PPP1R12A: variants seen among roughly 807,000 people sequenced by gnomAD.
PPP1R12A encodes myosin binding subunit.
PPP1R12A carries 19 observed loss-of-function variants against 139.6 expected under a neutral mutation model. The ratio of observed to expected loss-of-function variants is 0.14; its 90% CI spans 0.09 to 0.20. The LOEUF is 0.20. PPP1R12A is among the 10% of genes least tolerant of loss of function. The pLI is 1.00. For missense variants in PPP1R12A, 925 were observed against 1,211.5 expected, an observed-to-expected ratio of 0.76 and a Z score of 3.51; for synonymous variants, 427 against 420.6, an observed-to-expected ratio of 1.02 and a Z score of -0.19.
intron 22 of PPP1R12A, among the ~76,000 whole-genome samples, chr12:79,784,472 C>G (rs1870860584): frequency 6.6e-6 from 1 of 152,120 alleles, no homozygotes; most frequent in East Asian, 1.9e-4. Flanking sequence ...CAGGCTAATT[C>G]TATCAATTCC....
chr12:79,872,540 CAAAAG>C (rs1265489202), intron 2 of PPP1R12A, among the ~76,000 whole-genome samples: 1 of 151,508 alleles, frequency 6.6e-6, no homozygotes, highest in Non-Finnish European at 1.5e-5. Flanking sequence ...TAGCTGTACT[CAAAAG>C]AAAAAAGATG....
chr12:79,930,563 A>G (rs575680847), intron 1 of PPP1R12A, among the ~76,000 whole-genome samples: 1 of 152,280 alleles, frequency 6.6e-6, no homozygotes, highest in East Asian at 1.9e-4. Flanking sequence ...ACCTGAGGTC[A>G]GGAGTTCGAG....
intron 14 of PPP1R12A, among the ~76,000 whole-genome samples, chr12:79,798,898 T>A (rs902374565): frequency 1.3e-5 from 2 of 152,092 alleles, no homozygotes; most frequent in Non-Finnish European, 2.9e-5. Flanking sequence ...AGATTAAAAA[T>A]TTTAGCTCTA....
At chr12:79,794,684 T>C (rs1872289163) in intron 18 of PPP1R12A, among the ~76,000 whole-genome samples, 1 of 151,978 alleles carries the variant, frequency 6.6e-6, no homozygotes, top group South Asian at 2.1e-4. Flanking sequence ...AGATATAATA[T>C]TAGAGATAAA....
chr12:79,788,608 A>C lies in PPP1R12A; in HGVS notation c.2802+40T>G. On this transcript the variant is annotated intron_variant, in intron 21 of 24. Transcript: ENST00000450142. ...ATTTGAATGAGTATCTCAACATAAA[A>C]GATAACTTTTTATTAAATATAACTA... is the stretch of plus-strand genomic sequence containing the variant. 3 of 1,524,674 alleles carry C rather than the reference A, an allele frequency of 2.0e-6. No individual in the cohort carries two copies. The South Asian group carries it at 3.7e-5, about 19-fold the overall frequency. The allele number at this position is 1,524,674 out of a possible 1,614,324, so 94.4% of individuals were successfully genotyped here. A position where few individuals can be genotyped will look rare whatever the true frequency, so the allele number is the denominator to read the frequency against.
chr12:79,819,198 T>G (rs1223745779), intron 8 of PPP1R12A: 3 of 152,224 alleles, frequency 2.0e-5, no homozygotes. Flanking sequence ...CAATGCAATT[T>G]GATGGTAATT....
rs191593817 is a variant in PPP1R12A at position 79,865,518 on chromosome 12, G to A, written c.368+7290C>T. ...AAAACGTATTCAAATAGGAAGAGAG[G>A]AAGTCAAATTGTCTCTGTTTACAGA... On this transcript the variant is annotated intron_variant, in intron 2 of 24. Coordinates refer to ENST00000450142, the MANE Select transcript of PPP1R12A (RefSeq NM_002480.3). Among the ~76,000 whole-genome samples the A allele has an allele frequency of 5.0e-3, 767 of 152,272 alleles. 4 individuals are homozygous for A. Among genetic ancestry groups the A allele is most frequent in the African/African-American group, 0.018 (727 of 41,536 alleles).
At chr12:79,894,678 T>C (rs1003833514) in intron 1 of PPP1R12A, among the ~76,000 whole-genome samples, 1 of 152,196 alleles carries the variant, frequency 6.6e-6, no homozygotes, top group Non-Finnish European at 1.5e-5. Context: ...TTGGAAATCT[T>C]CCTAAAATCT....
chr12:79,781,788 T>A (rs1470039572), intron 23 of PPP1R12A, 27 bp downstream of exon 23: 2 of 1,383,462 alleles, frequency 1.4e-6, no homozygotes, highest in Non-Finnish European at 1.9e-6. Context: ...AAGAAAAAAA[T>A]AATTATTTAA....
intron 3 of PPP1R12A, among the ~76,000 whole-genome samples, chr12:79,844,933 A>G (rs1879207348): frequency 6.6e-6 from 1 of 152,044 alleles, no homozygotes; most frequent in Non-Finnish European, 1.5e-5. Flanking sequence ...CATTGTATTC[A>G]CATCTCAGCT....
intron 2 of PPP1R12A, 65 bp from the exon 3 acceptor site, chr12:79,845,485 AACC>A: frequency 8.6e-7 from 1 of 1,165,660 alleles, no homozygotes; most frequent in Non-Finnish European, 1.2e-6. Context: ...CTAAATGCAT[AACC>A]AATGAGGAAA....
intron 9 of PPP1R12A, among the ~76,000 whole-genome samples, chr12:79,812,449 T>TTG (rs372835131): frequency 1.6e-3 from 216 of 133,908 alleles, no homozygotes; most frequent in Middle Eastern, 4.3e-3. Flanking sequence ...CTGTGTGTGT[T>TTG]TGTGTGTGTG....
rs1309288280 is a variant in PPP1R12A at position 79,868,847 on chromosome 12, AATG to A, written c.368+3958_368+3960del. 3.3e-5 allele frequency among the ~76,000 whole-genome samples: 5 copies of A among 152,210 alleles called. No homozygotes were observed. The East Asian group carries it at 7.7e-4, about 23-fold the overall frequency. ...CTGATTCAGCACCCCAAAGGAAAAG[AATG>A]ATGTTAATGCATACATTTTAGTACC... On this transcript the variant is annotated intron_variant, in intron 2 of 24. Transcript: ENST00000450142.
chr12:79,827,535 A>AT (rs1231843853), intron 5 of PPP1R12A, among the ~76,000 whole-genome samples: 1 of 152,136 alleles, frequency 6.6e-6, no homozygotes, highest in Non-Finnish European at 1.5e-5. Flanking sequence ...CATGATACTT[A>AT]TTACCTACCA....
At chr12:79,906,592 T>C (rs1482722275) in intron 1 of PPP1R12A, among the ~76,000 whole-genome samples, 1 of 151,106 alleles carries the variant, frequency 6.6e-6, no homozygotes, top group Non-Finnish European at 1.5e-5. Context: ...TGCTGGTTTA[T>C]TTATTCATTT....
In PPP1R12A at chr12:79,844,490, T is replaced by A. The variant is rs559889846; in HGVS notation, c.487+812A>T. Among the ~76,000 whole-genome samples, 3 of 152,256 alleles carry A rather than the reference T, an allele frequency of 2.0e-5. No homozygotes were observed. In the East Asian group the frequency reaches 5.8e-4, roughly 29 times the overall value. ...CTCTTGGCCAAACCTTCAAAATATATCCATAATCCAATCTCTTCTCATCAC... is the reference window on the plus strand; with the variant it reads ...CTCTTGGCCAAACCTTCAAAATATAACCATAATCCAATCTCTTCTCATCAC... On this transcript the variant is annotated intron_variant, in intron 3 of 24. Coordinates refer to ENST00000450142, the MANE Select transcript of PPP1R12A (RefSeq NM_002480.3).
intron 1 of PPP1R12A, among the ~76,000 whole-genome samples, chr12:79,893,253 T>C (rs1366029843): frequency 4.6e-5 from 7 of 152,208 alleles, no homozygotes; most frequent in Non-Finnish European, 8.8e-5. Context: ...TAAGCCTTTA[T>C]TTCCAATGTC....
intron 23 of PPP1R12A, chr12:79,780,528 CTTT>C (rs1052177074): frequency 2.0e-5 from 3 of 152,034 alleles, no homozygotes; most frequent in African/African-American, 7.2e-5. Context: ...ATATTGTCTT[CTTT>C]TGTTAAAGTT....
chr12:79,859,648 T>C (rs139194143), intron 2 of PPP1R12A, among the ~76,000 whole-genome samples: 3 of 152,300 alleles, frequency 2.0e-5, no homozygotes, highest in East Asian at 3.9e-4. Context: ...TTGATTCCTA[T>C]AATCCCAACA....
Sources: allele counts gnomAD v4.1 joint callset (sites outside exome capture counted in the v4.1 genomes callset), GRCh38; gene constraint gnomAD v4.1.1; transcripts MANE v1.5; gene names NCBI Gene and HGNC (gene_info 2026-07-23, HGNC 2026-07-21).